The following HP1BP3 variants were observed in gnomAD, a reference collection of about 807,000 sequenced individuals.
HP1BP3 encodes heterochromatin protein 1 binding protein 3.
In HP1BP3, 12 loss-of-function variants were observed where a neutral mutation model predicts 62.5. The observed-to-expected ratio is 0.19, with a 90% CI of 0.12 to 0.31. HP1BP3 has a LOEUF of 0.31. Among genes scored for constraint, HP1BP3 ranks in the 10% least tolerant of loss-of-function variants. HP1BP3 has a pLI of 1.00. For synonymous variants in HP1BP3, 260 were observed against 237.8 expected, an observed-to-expected ratio of 1.09 and a Z score of -0.86; for missense variants, 502 against 651.8, an observed-to-expected ratio of 0.77 and a Z score of 2.50.
At chr1:20,761,302 A>C (rs2056462071) in intron 8 of HP1BP3, among the ~76,000 whole-genome samples, 1 of 152,144 alleles carries the variant, frequency 6.6e-6, no homozygotes. Flanking sequence ...CTGCCTCCCA[A>C]AGTGCTGGGA....
At chr1:20,764,412 C>T (rs1251676031) in intron 8 of HP1BP3, among the ~76,000 whole-genome samples, 1 of 151,518 alleles carries the variant, frequency 6.6e-6, no homozygotes, top group Admixed American at 6.6e-5. Context: ...GGCGCAATCT[C>T]GGCTCACTGC....
rs17837940 is a variant in HP1BP3 at position 20,749,293 on chromosome 1, T to C, written c.1141+430A>G. 4.6e-3 allele frequency among the ~76,000 whole-genome samples: 694 copies of C among 152,168 alleles called. 14 individuals carry two copies. The highest frequency in any genetic ancestry group is 0.032 in the Admixed American group (482 of 15,270). ...AATTTGTAAAGCTGTTCCCTCTTGG[T>C]TTTCAGTCAGTAGTTAATACTTTGA... On this transcript the variant is annotated intron_variant, in intron 10 of 12. Coordinates refer to ENST00000438032, the MANE Select transcript of HP1BP3 (RefSeq NM_001372052.1).
Position 20,782,604 on chromosome 1 carries a change from A to T in HP1BP3, c.-100-2064T>A, listed in dbSNP as rs558005695. ...CCTCAAGAAAAAAAAATAATAATTT[A>T]AAAAAAAACACAAAAGGGCCAGGCA... is the stretch of plus-strand genomic sequence containing the variant. On this transcript the variant is annotated intron_variant, in intron 1 of 12. Transcript: ENST00000438032. 1.3e-3 allele frequency among the ~76,000 whole-genome samples: 189 copies of T among 148,588 alleles called. 1 individual carries two copies. The highest frequency in any genetic ancestry group is 4.4e-3 in the African/African-American group (176 of 39,654).
intron 8 of HP1BP3, among the ~76,000 whole-genome samples, chr1:20,760,992 G>C (rs2056435750): frequency 6.6e-6 from 1 of 152,164 alleles, no homozygotes; most frequent in African/African-American, 2.4e-5. Context: ...TGGTGGCCTG[G>C]AAGAGAATGG....
intron 6 of HP1BP3, among the ~76,000 whole-genome samples, chr1:20,769,293 C>T (rs193147491): frequency 6.6e-6 from 1 of 152,226 alleles, no homozygotes; most frequent in Admixed American, 6.5e-5. Context: ...CATGGTGGCT[C>T]ACGTCTGTAA....
chr1:20,770,163 C>A (rs957613844), intron 6 of HP1BP3, among the ~76,000 whole-genome samples: 1 of 152,122 alleles, frequency 6.6e-6, no homozygotes, highest in Admixed American at 6.6e-5. Context: ...AGTCACATTT[C>A]ACTCGGGTTT....
chr1:20,775,969 A>G, intron 4 of HP1BP3: 1 of 1,517,044 alleles, frequency 6.6e-7, no homozygotes, highest in Non-Finnish European at 8.8e-7. Context: ...TGTTCTGACC[A>G]ATTATGAAAA....
intron 4 of HP1BP3, chr1:20,774,606 G>A (rs1212089565): frequency 6.6e-6 from 1 of 152,132 alleles, no homozygotes; most frequent in Non-Finnish European, 1.5e-5. Context: ...TGATAGCTGT[G>A]GTAATATCAC....
At chr1:20,768,915 C>T (rs2056921379) in intron 6 of HP1BP3, among the ~76,000 whole-genome samples, 2 of 152,150 alleles carry the variant, frequency 1.3e-5, no homozygotes, top group African/African-American at 4.8e-5. Flanking sequence ...AGCTGGAATG[C>T]TTTTAGCCTA....
In HP1BP3 at chr1:20,741,110, G is replaced by T. The variant is rs2055072171; in HGVS notation, c.*3687C>A. 6.6e-6 allele frequency among the ~76,000 whole-genome samples: 1 copy of T among 152,220 alleles called. No homozygotes were observed. The highest frequency in any genetic ancestry group is 2.1e-4 in the South Asian group (1 of 4,834). On this transcript the variant is annotated 3_prime_UTR_variant, in exon 13 of 13. Coordinates refer to ENST00000438032, the MANE Select transcript of HP1BP3 (RefSeq NM_001372052.1). The stretch of plus-strand genomic sequence containing the variant: ...CAGTTTAATGGTCTTTTCCAATTAA[G>T]AATAGAATTTCTTTTCTTTCATAGC...
In HP1BP3 at chr1:20,741,903, C is replaced by T. The variant is rs2154539249; in HGVS notation, c.*2894G>A. The stretch of plus-strand genomic sequence containing the variant: ...AAATGTGTTCTGCTCCTTTGGAATG[C>T]CTGGAAGGGAAAAATCAAACATTCT... On this transcript the variant is annotated 3_prime_UTR_variant, in exon 13 of 13. Coordinates refer to ENST00000438032, the MANE Select transcript of HP1BP3 (RefSeq NM_001372052.1). 6.6e-6 allele frequency among the ~76,000 whole-genome samples: 1 copy of T among 152,282 alleles called. No homozygotes were observed. Among genetic ancestry groups the T allele is most frequent in the South Asian group, 2.1e-4 (1 of 4,826 alleles).
At chr1:20,777,271 A>G (rs1464847797) in intron 3 of HP1BP3, among the ~76,000 whole-genome samples, 3 of 151,792 alleles carry the variant, frequency 2.0e-5, no homozygotes, top group African/African-American at 7.3e-5. Flanking sequence ...GACTTCAGAG[A>G]ACTCCAAAAA....
rs2055124714 is a variant in HP1BP3, at chr1:20,742,925, C to T, written c.*1872G>A. 1 of 152,618 alleles carries T rather than the reference C, an allele frequency of 6.6e-6. No homozygotes were observed. Among genetic ancestry groups the T allele is most frequent in the African/African-American group, 2.4e-5 (1 of 41,428 alleles). 9.5% of individuals were successfully genotyped at this position (152,618 alleles called of 1,614,324 possible). A position where few individuals can be genotyped will look rare whatever the true frequency, so the allele number is the denominator to read the frequency against. On this transcript the variant is annotated 3_prime_UTR_variant, in exon 13 of 13. Coordinates refer to ENST00000438032, the MANE Select transcript of HP1BP3 (RefSeq NM_001372052.1). ...AATAAGAAACAAACATCTTTTGCCTCTGGCAGTACTCAAGGGGCCAGAAGA... is the reference window on the plus strand; with the variant it reads ...AATAAGAAACAAACATCTTTTGCCTTTGGCAGTACTCAAGGGGCCAGAAGA...
Position 20,776,765 on chromosome 1 carries a change from G to A in HP1BP3, c.197-15C>T. On this transcript the variant is annotated splice_polypyrimidine_tract_variant and intron_variant, in intron 3 of 12. Coordinates refer to ENST00000438032, the MANE Select transcript of HP1BP3 (RefSeq NM_001372052.1). ...TATGTCTGGTTCTAAAAAATCAGGT[G>A]AGCAGAATTGCATAAGCAGATGTAT... is the stretch of plus-strand genomic sequence containing the variant. 3.7e-6 allele frequency: 6 copies of A among 1,604,792 alleles called. No homozygotes were observed. The highest frequency in any genetic ancestry group is 5.1e-6 in the Non-Finnish European group (6 of 1,175,926).
intron 4 of HP1BP3, chr1:20,773,930 T>G (rs764284305): frequency 5.7e-6 from 1 of 174,260 alleles, no homozygotes; most frequent in African/African-American, 2.4e-5. Context: ...AGATGCAATA[T>G]GGTATAGTGG....
chr1:20,771,120 C>A, intron 5 of HP1BP3, 47 bp from the exon 6 acceptor site: 1 of 1,410,012 alleles, frequency 7.1e-7, no homozygotes, highest in South Asian at 1.3e-5. Flanking sequence ...TTAGATAGAG[C>A]CTGACATATA....
At chr1:20,757,754 C>T (rs1315823174) in intron 8 of HP1BP3, among the ~76,000 whole-genome samples, 2 of 152,110 alleles carry the variant, frequency 1.3e-5, no homozygotes. Flanking sequence ...AAGGCCAACT[C>T]TGAGTCTCTA....
chr1:20,758,312 G>A (rs891950598), intron 8 of HP1BP3, among the ~76,000 whole-genome samples: 1 of 151,922 alleles, frequency 6.6e-6, no homozygotes, highest in Non-Finnish European at 1.5e-5. Context: ...GAAGTGCTTC[G>A]CACATACTAA....
intron 10 of HP1BP3, 117 bp from the exon 11 acceptor site, chr1:20,747,772 A>G: frequency 1.6e-6 from 1 of 640,812 alleles, no homozygotes. Context: ...ATTGACATAC[A>G]CTAAGTGAAT....
Sources: gnomAD v4.1 joint callset for allele counts (sites outside exome capture counted in the v4.1 genomes callset) on GRCh38, gnomAD v4.1.1 for gene constraint, MANE v1.5 for transcripts, NCBI Gene and HGNC (gene_info 2026-07-23, HGNC 2026-07-21) for gene names.